LIPK: variants seen among roughly 807,000 people sequenced by gnomAD.
The protein encoded by LIPK is lipase family member K, also known as lipase member K.
In LIPK, 32 loss-of-function variants were observed where a neutral mutation model predicts 48.6. That is an observed-to-expected ratio of 0.66 (90% CI 0.50 to 0.88). The LOEUF (loss-of-function observed/expected upper bound fraction) is 0.88, where lower values mean the gene tolerates loss of function less well. Among genes scored for constraint, LIPK ranks in the 40% least tolerant of loss-of-function variants. The pLI, the probability that LIPK is intolerant of heterozygous loss-of-function variation, is 0.00. For synonymous variants in LIPK, 164 were observed against 157.4 expected, an observed-to-expected ratio of 1.04 and a Z score of -0.32; for missense variants, 507 against 478.5, an observed-to-expected ratio of 1.06 and a Z score of -0.56.
intron 1 of LIPK, among the ~76,000 whole-genome samples, chr10:88,711,434 A>T (rs913317196): frequency 9.2e-5 from 14 of 152,114 alleles, no homozygotes; most frequent in Admixed American, 6.5e-4. Flanking sequence ...AATACAATAA[A>T]CTATAGCCCT....
At chr10:88,717,597 T>C (rs1337413613) in intron 1 of LIPK, among the ~76,000 whole-genome samples, 1 of 152,184 alleles carries the variant, frequency 6.6e-6, no homozygotes, top group Non-Finnish European at 1.5e-5. Context: ...ACTCTCCTAA[T>C]TGTGCATTGT....
chr10:88,740,725 G>A (rs442131), intron 8 of LIPK, among the ~76,000 whole-genome samples: 1 of 152,062 alleles, frequency 6.6e-6, no homozygotes. Flanking sequence ...CAGTCACAAC[G>A]CCTTTTGAAA....
chr10:88,718,737 G>A (rs749172542), intron 1 of LIPK, among the ~76,000 whole-genome samples: 27 of 151,890 alleles, frequency 1.8e-4, no homozygotes, highest in Admixed American at 7.9e-4. Context: ...TGACATTTAC[G>A]TTTGCTAGCG....
intron 3 of LIPK, among the ~76,000 whole-genome samples, chr10:88,729,088 T>G (rs1183411185): frequency 1.3e-5 from 2 of 151,972 alleles, no homozygotes; most frequent in Non-Finnish European, 2.9e-5. Flanking sequence ...CCTCTTGCCC[T>G]TGCCTCCAGC....
chr10:88,721,874 A>G (rs1842232354), intron 1 of LIPK, among the ~76,000 whole-genome samples: 1 of 152,240 alleles, frequency 6.6e-6, no homozygotes, highest in Non-Finnish European at 1.5e-5. Context: ...CATAAAATAT[A>G]ATCCTGAGGT....
intron 1 of LIPK, among the ~76,000 whole-genome samples, chr10:88,708,304 A>G (rs186432484): frequency 3.5e-4 from 53 of 152,248 alleles, no homozygotes; most frequent in African/African-American, 1.3e-3. Flanking sequence ...TAAATTCATC[A>G]AGAAAAATAT....
At chr10:88,733,118 T>C (rs781154368) in intron 6 of LIPK, among the ~76,000 whole-genome samples, 23 of 152,220 alleles carry the variant, frequency 1.5e-4, no homozygotes, top group African/African-American at 4.1e-4. Context: ...ACAATTGTTT[T>C]TGTTATCATT....
chr10:88,718,708 T>C (rs2134698488), intron 1 of LIPK, among the ~76,000 whole-genome samples: 1 of 152,226 alleles, frequency 6.6e-6, no homozygotes, highest in South Asian at 2.1e-4. Context: ...GTAAAACAGA[T>C]ATTGTTCAAA....
rs552878721 is a variant in LIPK, at chr10:88,742,339, C to T, written c.889-911C>T. 3.2e-5 allele frequency among the ~76,000 whole-genome samples: 3 copies of T among 93,034 alleles called. No homozygotes were observed. In the Admixed American group the frequency reaches 3.6e-4, roughly 11 times the overall value. The allele number at this position is 93,034 out of a possible 152,430, so 61.0% of individuals were successfully genotyped here. ...CTAAAAGCTTGCAGAATTTCAACAG[C>T]AGCAGACTGCTGCCTCTCTGAATAT... On this transcript the variant is annotated intron_variant, in intron 8 of 9. Coordinates refer to ENST00000404190, the MANE Select transcript of LIPK (RefSeq NM_001080518.2).
intron 8 of LIPK, 31 bp from the exon 9 acceptor site, chr10:88,743,216 CTTA>C (rs1349962109): frequency 6.9e-7 from 1 of 1,446,632 alleles, no homozygotes; most frequent in Non-Finnish European, 9.5e-7. Context: ...ACACTATTTT[CTTA>C]TATTATTTTA....
chr10:88,707,751 G>A (rs1359346187), intron 1 of LIPK, among the ~76,000 whole-genome samples: 2 of 152,070 alleles, frequency 1.3e-5, no homozygotes, highest in African/African-American at 2.4e-5. Flanking sequence ...TATCCTATTA[G>A]GTAAAGATTT....
At chr10:88,706,506 T>C (rs1306656856) in intron 1 of LIPK, among the ~76,000 whole-genome samples, 186 bp downstream of exon 1, 3 of 152,202 alleles carry the variant, frequency 2.0e-5, no homozygotes, top group Non-Finnish European at 4.4e-5. Flanking sequence ...AGGTATGTTA[T>C]GACAAGTTTT....
At chr10:88,748,665 A>T (rs914731512) in intron 9 of LIPK, among the ~76,000 whole-genome samples, 16 of 152,034 alleles carry the variant, frequency 1.1e-4, no homozygotes, top group African/African-American at 3.6e-4. Flanking sequence ...GCCATTTCTG[A>T]CAAACCCACA....
Position 88,726,923 on chromosome 10 carries a change from T to C in LIPK, c.223+11T>C. 1.4e-6 allele frequency: 2 copies of C among 1,465,716 alleles called. No individual in the cohort carries two copies. The highest frequency in any genetic ancestry group is 1.2e-5 in the South Asian group (1 of 84,114). 90.8% of individuals were successfully genotyped at this position (1,465,716 alleles called of 1,614,324 possible). On this transcript the variant is annotated intron_variant, in intron 3 of 9. Coordinates refer to ENST00000404190, the MANE Select transcript of LIPK (RefSeq NM_001080518.2). ...GCCCAGGGAGGACAGGTATTATTTA[T>C]TTTGTTATGAAAGGAAAAATACTTA...
rs1554954608 is a variant in LIPK at position 88,722,889 on chromosome 10, C to CTTTTTTCTT, written c.-11-1638_-11-1637insCTTTTTTTT. Among the ~76,000 whole-genome samples the CTTTTTTCTT allele has an allele frequency of 3.5e-5, 4 of 113,206 alleles. 1 individual carries two copies. The highest frequency in any genetic ancestry group is 3.4e-5 in the Non-Finnish European group (2 of 59,524). The allele number at this position is 113,206 out of a possible 152,430, so 74.3% of individuals were successfully genotyped here. A position where few individuals can be genotyped will look rare whatever the true frequency, so the allele number is the denominator to read the frequency against. ...AATTGTTTTTCTTCTTTTCTTTTTTCTTTTTTTTTTTTGACAGGGTTTCAC... is the reference window on the plus strand; with the variant it reads ...AATTGTTTTTCTTCTTTTCTTTTTTCTTTTTTCTTTTTTTTTTTTTTGACAGGGTTTCAC... On this transcript the variant is annotated intron_variant, in intron 1 of 9. Transcript: ENST00000404190.
At chr10:88,739,091 A>G (rs2134764157) in intron 7 of LIPK, among the ~76,000 whole-genome samples, 1 of 152,232 alleles carries the variant, frequency 6.6e-6, no homozygotes, top group South Asian at 2.1e-4. Context: ...GAGAATCAAG[A>G]GTTTTTGTGT....
At chr10:88,741,090 C>G (rs1243877973) in intron 8 of LIPK, among the ~76,000 whole-genome samples, 3 of 152,172 alleles carry the variant, frequency 2.0e-5, no homozygotes, top group Non-Finnish European at 2.9e-5. Flanking sequence ...TTAATATATG[C>G]TCTTCTTGCT....
chr10:88,722,159 G>A (rs1420761592), intron 1 of LIPK, among the ~76,000 whole-genome samples: 1 of 152,126 alleles, frequency 6.6e-6, no homozygotes, highest in Non-Finnish European at 1.5e-5. Context: ...ATTAGGTGTG[G>A]CGGCACGCGC....
intron 9 of LIPK, among the ~76,000 whole-genome samples, chr10:88,744,286 T>G (rs1192849029): frequency 1.3e-5 from 2 of 152,200 alleles, no homozygotes; most frequent in African/African-American, 2.4e-5. Flanking sequence ...TGCAGATGGG[T>G]CCCTACCAGT....
Sources: allele counts gnomAD v4.1 joint callset (sites outside exome capture counted in the v4.1 genomes callset), GRCh38; gene constraint gnomAD v4.1.1; transcripts MANE v1.5; gene names NCBI Gene and HGNC (gene_info 2026-07-23, HGNC 2026-07-21).